FBLN5: variants seen among roughly 807,000 people sequenced by gnomAD.
FBLN5 encodes fibulin 5.
In FBLN5, 24 loss-of-function variants were observed where a neutral mutation model predicts 61.6. The ratio of observed to expected loss-of-function variants is 0.39; its 90% CI spans 0.28 to 0.55. The LOEUF (loss-of-function observed/expected upper bound fraction) is 0.55, where lower values mean the gene tolerates loss of function less well. Among genes scored for constraint, FBLN5 ranks in the 20% least tolerant of loss-of-function variants. The probability of loss-of-function intolerance (pLI) is 0.65; values close to 1 mark genes in which losing one functional copy is unlikely to be tolerated. For missense variants in FBLN5, 470 were observed against 594.1 expected (o/e 0.79, Z 2.17); for synonymous variants, 213 against 219.8 (o/e 0.97, Z 0.27).
chr14:91,942,990 G>A (rs1337779013), intron 1 of FBLN5, 29 bp from the exon 2 acceptor site: 69 of 1,460,016 alleles, frequency 4.7e-5, no homozygotes, highest in Non-Finnish European at 6.2e-5. Context: ...AAATATAAAT[G>A]CCCAAGACAG....
intron 5 of FBLN5, among the ~76,000 whole-genome samples, chr14:91,891,723 A>G (rs1472454266): frequency 6.6e-6 from 1 of 152,202 alleles, no homozygotes; most frequent in Non-Finnish European, 1.5e-5. Flanking sequence ...ATTTGAGATT[A>G]CCCAGCTCTT....
At chr14:91,934,097 T>C (rs1023315245) in intron 4 of FBLN5, among the ~76,000 whole-genome samples, 2 of 152,098 alleles carry the variant, frequency 1.3e-5, no homozygotes, top group East Asian at 3.8e-4. Flanking sequence ...TCCCAGCTAC[T>C]TGGGAGGCTG....
chr14:91,870,156 G>A lies in FBLN5; in HGVS notation c.*68C>T, dbSNP rs1290817557. On this transcript the variant is annotated 3_prime_UTR_variant, in exon 11 of 11. Transcript: ENST00000342058. ...CGTCTGTGTCGCTCTCATTCTCTCTGTTATTTCCTCTCTTCTCCTGTCCCT... is the reference window on the plus strand; with the variant it reads ...CGTCTGTGTCGCTCTCATTCTCTCTATTATTTCCTCTCTTCTCCTGTCCCT... The A allele has an allele frequency of 2.0e-6, 3 of 1,490,526 alleles. No homozygotes were observed. Among genetic ancestry groups the A allele is most frequent in the East Asian group, 4.5e-5 (2 of 44,338 alleles). 92.3% of individuals were successfully genotyped at this position (1,490,526 alleles called of 1,614,324 possible). A position where few individuals can be genotyped will look rare whatever the true frequency, so the allele number is the denominator to read the frequency against.
Position 91,943,044 on chromosome 14 carries a change from G to T in FBLN5, c.18-83C>A. 1.1e-6 allele frequency: 1 copy of T among 904,672 alleles called. No individual in the cohort carries two copies. Among genetic ancestry groups the T allele is most frequent in the Non-Finnish European group, 1.8e-6 (1 of 556,626 alleles). The allele number at this position is 904,672 out of a possible 1,614,324, so 56.0% of individuals were successfully genotyped here. A position where few individuals can be genotyped will look rare whatever the true frequency, so the allele number is the denominator to read the frequency against. On this transcript the variant is annotated intron_variant, in intron 1 of 10. Transcript: ENST00000342058. This position sits in a 1 kb window ranked among gnomAD's most constrained non-coding sequence, Gnocchi z 4.0. ...GTGGGTCGCATGCGGCCCGTGACGT[G>T]TAACGGTGATATCACCTTGGGCTTG...
At chr14:91,901,760 T>C (rs1000449882) in intron 4 of FBLN5, among the ~76,000 whole-genome samples, 11 of 152,252 alleles carry the variant, frequency 7.2e-5, no homozygotes, top group African/African-American at 2.7e-4. Flanking sequence ...CAGATCTTTC[T>C]GTGTTTACAG....
intron 4 of FBLN5, among the ~76,000 whole-genome samples, chr14:91,916,062 A>G (rs1306428967): frequency 6.6e-6 from 1 of 152,232 alleles, no homozygotes; most frequent in Admixed American, 6.5e-5. Flanking sequence ...ATGACCAAAG[A>G]TAATGATGGT....
At chr14:91,895,693 G>A (rs1281788631) in intron 4 of FBLN5, among the ~76,000 whole-genome samples, 1 of 150,522 alleles carries the variant, frequency 6.6e-6, no homozygotes, top group East Asian at 2.0e-4. Flanking sequence ...AGCTACTCAG[G>A]AGACTGAGCT....
chr14:91,878,658 C>T (rs1004758362), intron 9 of FBLN5, among the ~76,000 whole-genome samples: 8 of 152,234 alleles, frequency 5.3e-5, no homozygotes, highest in Non-Finnish European at 8.8e-5. Context: ...CTTGCCTTCT[C>T]GCCTTTGCAC....
chr14:91,938,994 G>A (rs760505430), intron 3 of FBLN5, among the ~76,000 whole-genome samples: 3 of 152,072 alleles, frequency 2.0e-5, no homozygotes, highest in Admixed American at 6.6e-5. Flanking sequence ...AAATCAAAAC[G>A]TAAGCCCAGA....
chr14:91,946,695 C>CA (rs2056189786), intron 1 of FBLN5: 4 of 1,532,198 alleles, frequency 2.6e-6, no homozygotes, highest in African/African-American at 1.4e-5. Context: ...TAAAGAATAG[C>CA]AAAACATTTG....
chr14:91,927,077 T>C (rs1290196987), intron 4 of FBLN5, among the ~76,000 whole-genome samples: 3 of 152,190 alleles, frequency 2.0e-5, no homozygotes, highest in African/African-American at 7.2e-5. Context: ...CTTTGAGAAA[T>C]GAAGATCTCC....
intron 4 of FBLN5, among the ~76,000 whole-genome samples, chr14:91,917,150 C>T (rs1302702260): frequency 6.6e-6 from 1 of 152,158 alleles, no homozygotes; most frequent in Non-Finnish European, 1.5e-5. Flanking sequence ...AGATCCTGCC[C>T]TGAGAATGAA....
chr14:91,939,379 G>A (rs2056071105), intron 3 of FBLN5, among the ~76,000 whole-genome samples: 2 of 129,450 alleles, frequency 1.5e-5, no homozygotes, highest in South Asian at 4.9e-4. Context: ...TCTCTCTGTT[G>A]CCCAGGCTGG....
intron 5 of FBLN5, among the ~76,000 whole-genome samples, chr14:91,893,934 C>T (rs1890099996): frequency 6.6e-6 from 1 of 152,330 alleles, no homozygotes; most frequent in African/African-American, 2.4e-5. Flanking sequence ...AGACTTGCCA[C>T]ATTTCTGTGA....
rs140386763 is a variant in FBLN5, at chr14:91,943,891, C to T, written c.18-930G>A. Among the ~76,000 whole-genome samples, 72 of 152,270 alleles carry T rather than the reference C, an allele frequency of 4.7e-4. No homozygotes were observed. The highest frequency in any genetic ancestry group is 1.6e-3 in the African/African-American group (66 of 41,566). ...TGCACAGCCCAGGGAAAATGAAACC[C>T]GCGGGAAAACAGGAGGAGGAGTCAC... On this transcript the variant is annotated intron_variant, in intron 1 of 10. Coordinates refer to ENST00000342058, the MANE Select transcript of FBLN5 (RefSeq NM_006329.4). The surrounding 1 kb of genome is among the most constrained non-coding windows in gnomAD (Gnocchi z 4.0).
intron 6 of FBLN5, among the ~76,000 whole-genome samples, chr14:91,890,916 G>C (rs1889964930): frequency 6.6e-6 from 1 of 152,222 alleles, no homozygotes; most frequent in Non-Finnish European, 1.5e-5. Flanking sequence ...GATTAGGCAA[G>C]AAAGCCAGCA....
chr14:91,929,002 G>A (rs371259722), intron 4 of FBLN5, among the ~76,000 whole-genome samples: 1 of 151,784 alleles, frequency 6.6e-6, no homozygotes, highest in East Asian at 1.9e-4. Context: ...AGTTTGCAGT[G>A]AGCCAAGATC....
rs983252076 is a variant in FBLN5, at chr14:91,912,782, C to G, written c.380-17710G>C. Among the ~76,000 whole-genome samples, 3 of 148,202 alleles carry G rather than the reference C, an allele frequency of 2.0e-5. No individual in the cohort carries two copies. In the East Asian group the frequency reaches 5.9e-4, roughly 29 times the overall value. On this transcript the variant is annotated intron_variant, in intron 4 of 10. Coordinates refer to ENST00000342058, the MANE Select transcript of FBLN5 (RefSeq NM_006329.4). ...CCATGTTTGTACCATTGCACTCCAG[C>G]CTGGGTGACAGAGTGAGACTCTGAC...
At position 91,943,993 on chromosome 14, in the gene FBLN5, A is replaced by G. The variant is rs1236082048; in HGVS notation, c.18-1032T>C. ...TGCAACTCTGCCCTTCGCCACGCACAGGCTTTAATCCAGTAAGATTGTGGC... is the reference window on the plus strand; with the variant it reads ...TGCAACTCTGCCCTTCGCCACGCACGGGCTTTAATCCAGTAAGATTGTGGC... On this transcript the variant is annotated intron_variant, in intron 1 of 10. Transcript: ENST00000342058. This position sits in a 1 kb window ranked among gnomAD's most constrained non-coding sequence, Gnocchi z 4.0. 1.3e-5 allele frequency among the ~76,000 whole-genome samples: 2 copies of G among 152,164 alleles called. No homozygotes were observed. Among genetic ancestry groups the G allele is most frequent in the Middle Eastern group, 3.4e-3 (1 of 294 alleles).
Sources: gnomAD v4.1 joint callset for allele counts (sites outside exome capture counted in the v4.1 genomes callset) on GRCh38, gnomAD v4.1.1 for gene constraint, Gnocchi (gnomAD v3.1) non-coding constraint, MANE v1.5 for transcripts, NCBI Gene and HGNC (gene_info 2026-07-23, HGNC 2026-07-21) for gene names.